KARS1: variants seen among roughly 807,000 people sequenced by gnomAD.
The protein encoded by KARS1 is lysyl-tRNA synthetase 1.
A neutral mutation model predicts 63.9 loss-of-function variants in KARS1; 50 were observed. The ratio of observed to expected loss-of-function variants is 0.78; its 90% CI spans 0.62 to 0.99. The LOEUF (loss-of-function observed/expected upper bound fraction) is 0.99. Ranked by LOEUF, KARS1 falls within the 50% of genes least tolerant of loss-of-function variation. The pLI, the probability that KARS1 is intolerant of heterozygous loss-of-function variation, is 0.00. For synonymous variants in KARS1, 320 were observed against 264.6 expected, an observed-to-expected ratio of 1.21 and a Z score of -2.03; for missense variants, 816 against 754.5, an observed-to-expected ratio of 1.08 and a Z score of -0.95.
intron 1 of KARS1, among the ~76,000 whole-genome samples, chr16:75,645,992 G>A (rs942104407): frequency 6.6e-6 from 1 of 152,058 alleles, no homozygotes; most frequent in African/African-American, 2.4e-5. Flanking sequence ...TATCATAGGT[G>A]GTTTGAAAGA....
At chr16:75,631,934 C>G (rs2082119778) in intron 7 of KARS1, 79 bp from the exon 8 acceptor site, 3 of 1,551,696 alleles carry the variant, frequency 1.9e-6, no homozygotes, top group Non-Finnish European at 2.7e-6. Context: ...GTTGCCTAGG[C>G]TGGAGTGCAA....
rs531028082 is a variant in KARS1 at position 75,634,005 on chromosome 16, T to C, written c.915+168A>G. 95 of 766,840 alleles carry C rather than the reference T, an allele frequency of 1.2e-4. No homozygotes were observed. In the African/African-American group the frequency reaches 1.3e-3, roughly 10 times the overall value. 47.5% of individuals were successfully genotyped at this position (766,840 alleles called of 1,614,324 possible). A position where few individuals can be genotyped will look rare whatever the true frequency, so the allele number is the denominator to read the frequency against. The stretch of plus-strand genomic sequence containing the variant: ...GCCCTACAATGCTCTATTAATCTTG[T>C]AGAGAAATTCTGGAAGTGTTACTCA... On this transcript the variant is annotated intron_variant, in intron 7 of 13. Transcript: ENST00000302445.
At chr16:75,641,127 G>A (rs1404059850) in intron 2 of KARS1, among the ~76,000 whole-genome samples, 3 of 152,054 alleles carry the variant, frequency 2.0e-5, no homozygotes, top group East Asian at 3.9e-4. Flanking sequence ...TCACACCACT[G>A]CACTCCAGCC....
chr16:75,637,550 C>G (rs1274516047), intron 3 of KARS1, among the ~76,000 whole-genome samples: 1 of 151,868 alleles, frequency 6.6e-6, no homozygotes, highest in Non-Finnish European at 1.5e-5. Flanking sequence ...CCGAGGCAGG[C>G]AGATCACGTA....
intron 3 of KARS1, among the ~76,000 whole-genome samples, chr16:75,639,105 T>C (rs572648916): frequency 3.4e-4 from 51 of 150,704 alleles, no homozygotes; most frequent in Non-Finnish European, 6.8e-4. Context: ...AAGGCGGAGG[T>C]TGCAGTGAGC....
rs2151801980 is a variant in KARS1 at position 75,631,437 on chromosome 16, T to C, written c.1231A>G (p.Thr411Ala). The change falls in exon 9 of 14, where the codon ACG becomes GCG. Residue 411 changes from threonine to alanine, a missense_variant. Transcript: ENST00000302445. ...TTACCTTCAGTTTCAAAGAGGTTCG[T>C]TTCTGGCAGCTTCATCCCCAGGGCT... ...EKALGMKLPE[T>A]NLFETEETRK... is the part of the protein sequence containing the mutation. 3 of 1,614,152 alleles carry C rather than the reference T, an allele frequency of 1.9e-6. No homozygotes were observed. Among genetic ancestry groups the C allele is most frequent in the Non-Finnish European group, 2.5e-6 (3 of 1,180,026 alleles).
At chr16:75,636,609 G>A in intron 3 of KARS1, 62 bp from the exon 4 acceptor site, 2 of 1,050,642 alleles carry the variant, frequency 1.9e-6, no homozygotes, top group Middle Eastern at 2.1e-4. Flanking sequence ...TGGTATCAGT[G>A]TCAAAAAAAA....
intron 3 of KARS1, among the ~76,000 whole-genome samples, chr16:75,639,435 G>A (rs368371776): frequency 2.0e-5 from 3 of 152,180 alleles, no homozygotes; most frequent in East Asian, 1.9e-4. Context: ...AGCCGGGCGT[G>A]GTGGCAGGTG....
At chr16:75,643,153 A>AG (rs1231874355) in intron 1 of KARS1, among the ~76,000 whole-genome samples, 1 of 152,214 alleles carries the variant, frequency 6.6e-6, no homozygotes, top group African/African-American at 2.4e-5. Flanking sequence ...ATCTGAAACC[A>AG]GAAACTAAAC....
chr16:75,641,968 CCA>C (rs1268923395), intron 1 of KARS1, among the ~76,000 whole-genome samples: 1 of 152,052 alleles, frequency 6.6e-6, no homozygotes, highest in African/African-American at 2.4e-5. Context: ...TCTCTGCTTG[CCA>C]GTCTCAGGTC....
chr16:75,641,654 A>T lies in KARS1; in HGVS notation c.132T>A (p.Ser44Arg). 1 of 1,613,904 alleles carries T rather than the reference A, an allele frequency of 6.2e-7. No homozygotes were observed. Among genetic ancestry groups the T allele is most frequent in the Non-Finnish European group, 8.5e-7 (1 of 1,179,898 alleles). ...CAGTGGCTTGGCTTAGCTGTTTCTC[A>T]CTGAGCTCTTTCTGTTTGGCCTCCT... ...AEKEAKQKEL[S>R]EKQLSQATAA... is the part of the protein sequence containing the mutation. Residue 44 changes from serine (S) to arginine (R), a missense_variant, in exon 2 of 14, where the codon AGT (serine) becomes AGA (arginine). Coordinates refer to ENST00000302445, the MANE Select transcript of KARS1 (RefSeq NM_005548.3).
chr16:75,630,962 G>A (rs548812311), intron 10 of KARS1, among the ~76,000 whole-genome samples: 5 of 152,162 alleles, frequency 3.3e-5, no homozygotes, highest in Admixed American at 1.3e-4. Flanking sequence ...AAAGCTGGAC[G>A]GGATTAACTG....
intron 1 of KARS1, chr16:75,644,461 AC>A: frequency 2.5e-6 from 4 of 1,586,746 alleles, no homozygotes; most frequent in Non-Finnish European, 3.4e-6. Flanking sequence ...GATTACCACC[AC>A]CTAGCGGGAA....
At position 75,635,927 on chromosome 16, in the gene KARS1, A is replaced by C. The variant is rs1461368010; in HGVS notation, c.654T>G (p.Phe218Leu). 6.2e-7 allele frequency: 1 copy of C among 1,614,106 alleles called. No individual in the cohort carries two copies. The highest frequency in any genetic ancestry group is 8.5e-7 in the Non-Finnish European group (1 of 1,180,038). ...GAACGCTTACCTTGTCTTTGAGGCC[A>C]AAGTGAAGATGAGGTAACATATGCA... The part of the protein sequence containing the change: ...PCLHMLPHLH[F>L]GLKDKETRYR... The change falls in exon 5 of 14, where the codon TTT becomes TTG. Residue 218 changes from phenylalanine (F) to leucine (L), a missense_variant. By Grantham distance (22) the Phe-to-Leu change is conservative. Transcript: ENST00000302445.
chr16:75,639,921 T>C (rs2082204636), intron 3 of KARS1: 2 of 501,114 alleles, frequency 4.0e-6, no homozygotes. Flanking sequence ...AGCCTGAGAC[T>C]TCTACCGCTG....
At chr16:75,643,785 A>C (rs2082250941) in intron 1 of KARS1, among the ~76,000 whole-genome samples, 1 of 152,250 alleles carries the variant, frequency 6.6e-6, no homozygotes, top group Admixed American at 6.5e-5. Flanking sequence ...AACCTTTCCA[A>C]AACACTGTGC....
rs770576812 is a variant in KARS1, at chr16:75,636,009, G to A, written c.572C>T (p.Thr191Ile). ...AATGATGCTCAGCTCACCCTTCTTG[G>A]TTTTACCAGGATTCCCCTGAACTCC... The part of the protein sequence containing the change: ...IIGVQGNPGK[T>I]KKGELSIIPY... The change falls in exon 5 of 14, where the codon ACC (threonine) becomes ATC (isoleucine). Residue 191 changes from threonine (T) to isoleucine (I), a missense_variant. Transcript: ENST00000302445. 3.9e-5 allele frequency: 63 copies of A among 1,613,592 alleles called. No individual in the cohort carries two copies. Among genetic ancestry groups the A allele is most frequent in the Non-Finnish European group, 5.3e-5 (62 of 1,179,652 alleles).
Position 75,630,404 on chromosome 16 carries a change from T to A in KARS1, c.1424+19A>T. 15 of 1,461,694 alleles carry A rather than the reference T, an allele frequency of 1.0e-5. No homozygotes were observed. The highest frequency in any genetic ancestry group is 1.4e-5 in the Non-Finnish European group (15 of 1,045,116). The allele number at this position is 1,461,694 out of a possible 1,614,324, so 90.5% of individuals were successfully genotyped here. A position where few individuals can be genotyped will look rare whatever the true frequency, so the allele number is the denominator to read the frequency against. Reference sequence around the variant, plus strand: ...AAGTTTTGGGGCTGTTATGCAGCAATAGGTAACTGGAATCTTACCATTTAG... The same window carrying A: ...AAGTTTTGGGGCTGTTATGCAGCAAAAGGTAACTGGAATCTTACCATTTAG... On this transcript the variant is annotated intron_variant, in intron 11 of 13. Transcript: ENST00000302445.
rs746320017 is a variant in KARS1, at chr16:75,627,974, G to A, written c.1715C>T (p.Ala572Val). The change falls in exon 14 of 14, where the codon GCC (alanine) becomes GTC (valine). Residue 572 changes from alanine to valine, a missense_variant. Coordinates refer to ENST00000302445, the MANE Select transcript of KARS1 (RefSeq NM_005548.3). ...CTCCTTCTTGTCTTCGGGTTTCATG[G>A]CAGGAAACAGAAGTACTTCCTGTGG... Reference protein sequence around the residue: ...NNIKEVLLFPAMKPEDKKENV... With the variant: ...NNIKEVLLFPVMKPEDKKENV... The A allele has an allele frequency of 3.7e-6, 6 of 1,603,528 alleles. No individual in the cohort carries two copies. The highest frequency in any genetic ancestry group is 2.2e-5 in the South Asian group (2 of 90,906).
Sources: gnomAD v4.1 joint callset for allele counts (sites outside exome capture counted in the v4.1 genomes callset) on GRCh38, gnomAD v4.1.1 for gene constraint, MANE v1.5 for transcripts, NCBI Gene and HGNC (gene_info 2026-07-23, HGNC 2026-07-21) for gene names.